The following NRG3 variants were observed in gnomAD, a reference collection of about 807,000 sequenced individuals.
NRG3 encodes the protein neuregulin 3.
NRG3 carries 31 observed loss-of-function variants against 66.9 expected under a neutral mutation model. The ratio of observed to expected loss-of-function variants is 0.46; its 90% CI spans 0.35 to 0.63. The LOEUF (loss-of-function observed/expected upper bound fraction) is 0.63. NRG3 is among the 20% of genes least tolerant of loss of function. The probability of loss-of-function intolerance (pLI) is 0.00; values close to 1 mark genes in which losing one functional copy is unlikely to be tolerated. For synonymous variants in NRG3, 393 were observed against 359.4 expected (o/e 1.09, Z -1.06); for missense variants, 910 against 878.9 (o/e 1.04, Z -0.45).
intron 2 of NRG3, among the ~76,000 whole-genome samples, chr10:82,435,230 A>T (rs865905882): frequency 6.6e-6 from 1 of 152,008 alleles, no homozygotes; most frequent in South Asian, 2.1e-4. Context: ...GTTTATTTGC[A>T]TAGAGGTGTT....
At chr10:82,277,714 TGCAGGAA>T (rs1263971810) in intron 1 of NRG3, among the ~76,000 whole-genome samples, 1 of 152,074 alleles carries the variant, frequency 6.6e-6, no homozygotes, top group Non-Finnish European at 1.5e-5. Flanking sequence ...GTTATGACCT[TGCAGGAA>T]GCTCTCAGTA....
rs189475667 is a variant in NRG3 at position 82,419,351 on chromosome 10, A to T, written c.953+60483A>T. ...CGGAAATAACTATCTGCACTTTCAA[A>T]TGCAAGGTCTTGCTTAGGTTTGGAA... On this transcript the variant is annotated intron_variant, in intron 2 of 8. Transcript: ENST00000372141. Among the ~76,000 whole-genome samples, 8 of 152,310 alleles carry T rather than the reference A, an allele frequency of 5.3e-5. No individual in the cohort carries two copies. In the East Asian group the frequency reaches 1.5e-3, roughly 29 times the overall value.
At chr10:82,098,066 C>T (rs537557548) in intron 1 of NRG3, among the ~76,000 whole-genome samples, 5,705 of 151,324 alleles carry the variant, frequency 0.038, 143 homozygotes, top group East Asian at 0.072. Flanking sequence ...CACACACACA[C>T]ACACACACAC....
At chr10:82,863,549 T>C (rs545193458) in intron 3 of NRG3, among the ~76,000 whole-genome samples, 6 of 152,286 alleles carry the variant, frequency 3.9e-5, no homozygotes, top group African/African-American at 1.2e-4. Context: ...ATGATCGCCA[T>C]CCTAACTGGC....
chr10:82,685,944 G>A (rs1215830460), intron 2 of NRG3, among the ~76,000 whole-genome samples: 1 of 152,064 alleles, frequency 6.6e-6, no homozygotes, highest in Non-Finnish European at 1.5e-5. Context: ...TAACACACAT[G>A]GAGCTGTCAT....
At chr10:82,252,507 G>A (rs1209292209) in intron 1 of NRG3, among the ~76,000 whole-genome samples, 1 of 152,166 alleles carries the variant, frequency 6.6e-6, no homozygotes, top group Non-Finnish European at 1.5e-5. Flanking sequence ...CCTCTGTGTG[G>A]TGAGTATTTT....
At chr10:81,911,853 C>A (rs1433090557) in intron 1 of NRG3, among the ~76,000 whole-genome samples, 1 of 151,808 alleles carries the variant, frequency 6.6e-6, no homozygotes, top group African/African-American at 2.4e-5. Context: ...AAGAAAGAAC[C>A]TAAACAAGAA....
intron 2 of NRG3, among the ~76,000 whole-genome samples, chr10:82,566,133 G>A (rs572872393): frequency 8.5e-5 from 13 of 152,106 alleles, no homozygotes; most frequent in Non-Finnish European, 1.6e-4. Context: ...TAAGCCCTCC[G>A]TGAATGTTAA....
intron 1 of NRG3, among the ~76,000 whole-genome samples, chr10:82,150,730 T>G (rs919377000): frequency 1.2e-4 from 19 of 152,056 alleles, no homozygotes; most frequent in Admixed American, 1.2e-3. Flanking sequence ...TATCCGTCTT[T>G]CATCTGCTTC....
intron 3 of NRG3, among the ~76,000 whole-genome samples, chr10:82,783,386 G>T (rs1379117731): frequency 6.6e-6 from 1 of 151,236 alleles, no homozygotes; most frequent in Non-Finnish European, 1.5e-5. Flanking sequence ...GAAATAAAGG[G>T]TATTCAATTA....
chr10:82,073,776 T>C (rs1018683428), intron 1 of NRG3, among the ~76,000 whole-genome samples: 7 of 152,240 alleles, frequency 4.6e-5, no homozygotes, highest in Non-Finnish European at 1.0e-4. Flanking sequence ...TTCTTTACGA[T>C]AGTTTCCTAG....
At chr10:82,199,610 T>G (rs906528186) in intron 1 of NRG3, among the ~76,000 whole-genome samples, 5 of 152,194 alleles carry the variant, frequency 3.3e-5, no homozygotes, top group African/African-American at 7.2e-5. Context: ...AAACGTTGAT[T>G]TTCTCATCCA....
At chr10:82,499,758 G>A (rs1053013920) in intron 2 of NRG3, among the ~76,000 whole-genome samples, 2 of 152,078 alleles carry the variant, frequency 1.3e-5, no homozygotes, top group Admixed American at 1.3e-4. Flanking sequence ...TAATAGTTTA[G>A]TTAAATTTAT....
chr10:82,215,963 CTTTTTTTTTTTTT>C (rs71894841), intron 1 of NRG3, among the ~76,000 whole-genome samples: 2 of 89,710 alleles, frequency 2.2e-5, no homozygotes, highest in African/African-American at 4.6e-5. Context: ...TTATGTTTTC[CTTTTTTTTTTTTT>C]TTTTTTTTTG....
chr10:82,096,824 T>C (rs1014583333), intron 1 of NRG3, among the ~76,000 whole-genome samples: 2 of 152,132 alleles, frequency 1.3e-5, no homozygotes, highest in South Asian at 2.1e-4. Flanking sequence ...ATCCATTGCC[T>C]ATGAGACAGA....
At position 82,517,934 on chromosome 10, in the gene NRG3, A is replaced by G. The variant is rs78363657; in HGVS notation, c.953+159066A>G. Among the ~76,000 whole-genome samples the G allele has an allele frequency of 2.7e-3, 407 of 152,286 alleles. 4 individuals carry two copies. The highest frequency in any genetic ancestry group is 8.0e-3 in the African/African-American group (334 of 41,562). Reference sequence around the variant, plus strand: ...AAAATAACATTAAACAGGGACTTACATCCTGACAACTTTTGTCTCATGCAT... The same window carrying G: ...AAAATAACATTAAACAGGGACTTACGTCCTGACAACTTTTGTCTCATGCAT... On this transcript the variant is annotated intron_variant, in intron 2 of 8. Coordinates refer to ENST00000372141, the MANE Select transcript of NRG3 (RefSeq NM_001010848.4).
chr10:82,031,422 C>T (rs2062562236), intron 1 of NRG3, among the ~76,000 whole-genome samples: 1 of 152,070 alleles, frequency 6.6e-6, no homozygotes, highest in Admixed American at 6.6e-5. Context: ...TCCTTAGTTA[C>T]TGCTAATAAT....
At chr10:82,395,756 T>C (rs1415845503) in intron 2 of NRG3, among the ~76,000 whole-genome samples, 1 of 152,144 alleles carries the variant, frequency 6.6e-6, no homozygotes, top group Non-Finnish European at 1.5e-5. Flanking sequence ...GCACTGTTGC[T>C]TTCCACAGTC....
chr10:82,012,586 A>G (rs2061625634), intron 1 of NRG3, among the ~76,000 whole-genome samples: 1 of 152,176 alleles, frequency 6.6e-6, no homozygotes, highest in African/African-American at 2.4e-5. Context: ...CCTTTTAAAC[A>G]TAAGTTCCAA....
Sources: allele counts gnomAD v4.1 joint callset (sites outside exome capture counted in the v4.1 genomes callset), GRCh38; gene constraint gnomAD v4.1.1; transcripts MANE v1.5; gene names NCBI Gene and HGNC (gene_info 2026-07-23, HGNC 2026-07-21).